The following HPSE2 variants were observed in gnomAD, a reference collection of about 807,000 sequenced individuals.
HPSE2 encodes inactive heparanase-2.
A neutral mutation model predicts 60.5 loss-of-function variants in HPSE2; 38 were observed. The observed-to-expected ratio is 0.63, with a 90% confidence interval of 0.48 to 0.82. The LOEUF (loss-of-function observed/expected upper bound fraction) is 0.82. Among genes scored for constraint, HPSE2 ranks in the 40% least tolerant of loss-of-function variants. HPSE2 has a pLI of 0.00. For missense variants in HPSE2, 713 were observed against 740.4 expected (o/e 0.96, Z 0.43); for synonymous variants, 295 against 293.2 (o/e 1.01, Z -0.06).
chr10:98,549,341 CTAT>C (rs375917802), intron 9 of HPSE2, among the ~76,000 whole-genome samples: 5 of 149,962 alleles, frequency 3.3e-5, no homozygotes, highest in African/African-American at 4.9e-5. Flanking sequence ...TACAAAATAA[CTAT>C]TATTATTATT....
At chr10:98,492,450 C>T (rs1198998688) in intron 9 of HPSE2, among the ~76,000 whole-genome samples, 41 of 143,782 alleles carry the variant, frequency 2.9e-4, no homozygotes, top group Non-Finnish European at 4.5e-5. Context: ...TGCAGTGAGC[C>T]GAGATTGCGC....
chr10:98,847,162 G>T (rs984489671), intron 3 of HPSE2, among the ~76,000 whole-genome samples: 16 of 152,174 alleles, frequency 1.1e-4, no homozygotes, highest in Admixed American at 9.2e-4. Flanking sequence ...TAAGAGGTTT[G>T]CCAGAGCTAT....
chr10:98,926,543 C>T (rs1279851300), intron 3 of HPSE2, among the ~76,000 whole-genome samples: 2 of 152,014 alleles, frequency 1.3e-5, no homozygotes, highest in Non-Finnish European at 2.9e-5. Flanking sequence ...AAGTTTGGTC[C>T]CCTTAAACTG....
At chr10:98,462,131 C>A (rs1443333302) in intron 11 of HPSE2, among the ~76,000 whole-genome samples, 2 of 152,114 alleles carry the variant, frequency 1.3e-5, no homozygotes, top group East Asian at 3.8e-4. Context: ...GCATAATGAA[C>A]CATATACTTA....
intron 3 of HPSE2, among the ~76,000 whole-genome samples, chr10:99,112,422 GTTT>G (rs769436722): frequency 0.17 from 24,165 of 141,416 alleles, 2,339 homozygotes; most frequent in Admixed American, 0.25. Flanking sequence ...GTTGTGTTTT[GTTT>G]TGTTTTGTTT....
chr10:99,221,839 G>A (rs921453979), intron 2 of HPSE2, among the ~76,000 whole-genome samples: 1 of 152,208 alleles, frequency 6.6e-6, no homozygotes, highest in Admixed American at 6.5e-5. Context: ...CTGACCTTAG[G>A]GAGCCTTGGA....
chr10:99,220,241 A>G (rs1357405951), intron 2 of HPSE2, among the ~76,000 whole-genome samples: 1 of 152,170 alleles, frequency 6.6e-6, no homozygotes, highest in Non-Finnish European at 1.5e-5. Flanking sequence ...TCAGAGAAAT[A>G]TGATACTATA....
intron 3 of HPSE2, among the ~76,000 whole-genome samples, chr10:99,031,608 T>C (rs1465752657): frequency 6.6e-6 from 1 of 152,180 alleles, no homozygotes; most frequent in Admixed American, 6.6e-5. Flanking sequence ...GAACTTTCAG[T>C]ACACTAAAAT....
chr10:99,300,730 T>C, the HPSE2 span, among the ~76,000 whole-genome samples: 2 of 152,184 alleles, frequency 1.3e-5, no homozygotes, highest in Admixed American at 6.5e-5. Context: ...CCGTCACATA[T>C]TGTTTCTCAA....
intron 7 of HPSE2, among the ~76,000 whole-genome samples, chr10:98,633,049 GACAGCAAGACC>G (rs1946406261): frequency 6.6e-6 from 1 of 152,104 alleles, no homozygotes; most frequent in Admixed American, 6.5e-5. Context: ...CCATTCCTGA[GACAGCAAGACC>G]AACGCCTCCT....
At chr10:98,463,441 T>A (rs193083317) in intron 11 of HPSE2, among the ~76,000 whole-genome samples, 1 of 152,352 alleles carries the variant, frequency 6.6e-6, no homozygotes, top group East Asian at 1.9e-4. Flanking sequence ...TTCACAGAGA[T>A]GAGGTAAATA....
chr10:98,744,101 C>T (rs1208393853), intron 3 of HPSE2, 45 bp from the exon 4 acceptor site: 1 of 1,569,778 alleles, frequency 6.4e-7, no homozygotes, highest in Non-Finnish European at 8.7e-7. Context: ...AATCAACATT[C>T]CAACAAAAGG....
At chr10:98,571,202 T>C (rs1348247888) in intron 9 of HPSE2, among the ~76,000 whole-genome samples, 1 of 152,160 alleles carries the variant, frequency 6.6e-6, no homozygotes, top group Non-Finnish European at 1.5e-5. Flanking sequence ...ACAATAATCC[T>C]GTGGATTAAG....
intron 6 of HPSE2, among the ~76,000 whole-genome samples, chr10:98,671,893 C>T (rs539212846): frequency 5.3e-5 from 8 of 152,240 alleles, no homozygotes; most frequent in South Asian, 4.2e-4. Flanking sequence ...AATAACCCAC[C>T]TGGCCATATC....
intron 4 of HPSE2, among the ~76,000 whole-genome samples, chr10:98,741,467 G>A (rs534987574): frequency 2.2e-4 from 34 of 152,162 alleles, no homozygotes; most frequent in African/African-American, 7.9e-4. Flanking sequence ...TTGATGGGGA[G>A]GGGCAAGTTC....
the HPSE2 span, among the ~76,000 whole-genome samples, chr10:99,304,489 G>A: frequency 2.6e-5 from 4 of 152,230 alleles, no homozygotes; most frequent in African/African-American, 9.6e-5. Flanking sequence ...GCTTGCCCTT[G>A]AATTCTTTCC....
At chr10:98,915,718 T>A (rs968282032) in intron 3 of HPSE2, among the ~76,000 whole-genome samples, 10 of 152,032 alleles carry the variant, frequency 6.6e-5, no homozygotes, top group African/African-American at 2.4e-4. Context: ...TCTTGTTCCA[T>A]GAAAAGTGTG....
intron 3 of HPSE2, among the ~76,000 whole-genome samples, chr10:98,897,580 C>T (rs529352760): frequency 3.3e-5 from 5 of 151,754 alleles, no homozygotes; most frequent in Admixed American, 2.6e-4. Context: ...TTTAATAAAC[C>T]GGCAAAGGCA....
At chr10:98,805,859 T>C (rs1951030610) in intron 3 of HPSE2, among the ~76,000 whole-genome samples, 1 of 152,134 alleles carries the variant, frequency 6.6e-6, no homozygotes, top group African/African-American at 2.4e-5. Flanking sequence ...TTGCCATGAA[T>C]ATTAGCTAAA....
Sources: gnomAD v4.1 joint callset for allele counts (sites outside exome capture counted in the v4.1 genomes callset) on GRCh38, gnomAD v4.1.1 for gene constraint, MANE v1.5 for transcripts, NCBI Gene and HGNC (gene_info 2026-07-23, HGNC 2026-07-21) for gene names.